PCDHA8: variants seen among roughly 807,000 people sequenced by gnomAD.
PCDHA8 encodes protocadherin alpha 8.
PCDHA8 carries 53 observed loss-of-function variants against 61.8 expected under a neutral mutation model. The observed-to-expected ratio is 0.86, with a 90% CI of 0.69 to 1.08. PCDHA8 has a LOEUF of 1.08. PCDHA8 is among the 50% of genes least tolerant of loss of function. The pLI is 0.00. For missense variants in PCDHA8, 1,293 were observed against 1,245.0 expected (o/e 1.04, Z -0.58); for synonymous variants, 618 against 556.6 (o/e 1.11, Z -1.55).
intron 1 of PCDHA8, among the ~76,000 whole-genome samples, chr5:140,937,093 A>G (rs1466127180): frequency 6.8e-6 from 1 of 146,414 alleles, no homozygotes; most frequent in African/African-American, 2.6e-5. Context: ...GCTGGAGTGC[A>G]GTGGCGCAGT....
chr5:140,876,081 G>A (rs568872116), intron 1 of PCDHA8: 1 of 1,613,944 alleles, frequency 6.2e-7, no homozygotes, highest in African/African-American at 1.3e-5. Flanking sequence ...TGGACAGAGA[G>A]CAAACGCCAA....
chr5:140,860,511 C>T (rs2046428748), intron 1 of PCDHA8: 2 of 152,066 alleles, frequency 1.3e-5, no homozygotes, highest in Non-Finnish European at 2.9e-5. Flanking sequence ...CAAGATAAAA[C>T]TCTTCATGGA....
chr5:140,858,005 C>T, intron 1 of PCDHA8: 1 of 1,596,884 alleles, frequency 6.3e-7, no homozygotes, highest in East Asian at 2.2e-5. Flanking sequence ...GGTGAAGGAC[C>T]ATGGCGAGCC....
At chr5:140,911,151 G>A (rs2075350899) in intron 1 of PCDHA8, among the ~76,000 whole-genome samples, 1 of 152,174 alleles carries the variant, frequency 6.6e-6, no homozygotes, top group South Asian at 2.1e-4. Context: ...TTTCTCCTCA[G>A]ACAAATGTGG....
intron 1 of PCDHA8, among the ~76,000 whole-genome samples, chr5:140,940,372 A>G (rs1173605569): frequency 1.3e-5 from 2 of 151,970 alleles, no homozygotes; most frequent in Admixed American, 6.6e-5. Flanking sequence ...GTATTCCTTG[A>G]GTTGTTAATT....
chr5:140,969,631 G>C (rs1554231956), intron 1 of PCDHA8: 1 of 227,796 alleles, frequency 4.4e-6, no homozygotes, highest in Non-Finnish European at 7.3e-6. Flanking sequence ...AAACAGGACA[G>C]GCCTTGGAAT....
chr5:140,971,115 G>A (rs1409733667), intron 1 of PCDHA8, among the ~76,000 whole-genome samples: 1 of 152,146 alleles, frequency 6.6e-6, no homozygotes, highest in Non-Finnish European at 1.5e-5. Flanking sequence ...GGATTGGGGT[G>A]GGCTACAGGT....
rs2094433165 is a variant in PCDHA8, at chr5:140,949,923, G to T, written c.2395-29026G>T. Among the ~76,000 whole-genome samples the T allele has an allele frequency of 2.7e-5, 4 of 150,516 alleles. No homozygotes were observed. In the South Asian group the frequency reaches 8.3e-4, roughly 31 times the overall value. On this transcript the variant is annotated intron_variant, in intron 1 of 3. Coordinates refer to ENST00000531613, the MANE Select transcript of PCDHA8 (RefSeq NM_018911.3). Reference sequence around the variant, plus strand: ...TAATTTTTAGATATAACTATTTTTAGATTTTTTTTAATTTGCATTTTTTAG... The same window carrying T: ...TAATTTTTAGATATAACTATTTTTATATTTTTTTTAATTTGCATTTTTTAG...
At chr5:140,911,316 A>G (rs1308533373) in intron 1 of PCDHA8, among the ~76,000 whole-genome samples, 1 of 152,186 alleles carries the variant, frequency 6.6e-6, no homozygotes, top group African/African-American at 2.4e-5. Context: ...TCCAAGTTTC[A>G]GGATCCCATT....
intron 1 of PCDHA8, among the ~76,000 whole-genome samples, chr5:140,957,220 G>A (rs1356437193): frequency 2.6e-5 from 4 of 152,192 alleles, no homozygotes; most frequent in Non-Finnish European, 5.9e-5. Flanking sequence ...CAAAAATTTG[G>A]CGAAGCATTT....
intron 1 of PCDHA8, among the ~76,000 whole-genome samples, chr5:140,955,338 C>T (rs1232401709): frequency 6.6e-6 from 1 of 152,062 alleles, no homozygotes; most frequent in African/African-American, 2.4e-5. Flanking sequence ...TCCCATAATC[C>T]CCACATGTTG....
intron 1 of PCDHA8, chr5:140,884,570 G>A (rs1174925238): frequency 6.2e-7 from 1 of 1,614,074 alleles, no homozygotes; most frequent in Non-Finnish European, 8.5e-7. Flanking sequence ...GCATAAGACG[G>A]ACCTCATGGC....
intron 1 of PCDHA8, among the ~76,000 whole-genome samples, chr5:140,912,626 G>A (rs189482006): frequency 6.6e-6 from 1 of 152,190 alleles, no homozygotes; most frequent in East Asian, 1.9e-4. Context: ...CTCTGGATGA[G>A]ACTTTCAGTA....
At chr5:140,996,591 T>TC (rs201351256) in intron 3 of PCDHA8, among the ~76,000 whole-genome samples, 1,577 of 152,202 alleles carry the variant, frequency 0.01, 12 homozygotes, top group Middle Eastern at 0.058. Flanking sequence ...AAGGGCCGCC[T>TC]CCCCCCATTT....
At chr5:140,868,895 G>C in intron 1 of PCDHA8, 2 of 777,188 alleles carry the variant, frequency 2.6e-6, no homozygotes, top group Non-Finnish European at 4.0e-6. Flanking sequence ...TAGGCGCAAG[G>C]TGTCGCTCTT....
At chr5:140,968,904 G>A (rs1554231223) in intron 1 of PCDHA8, 1 of 1,614,058 alleles carries the variant, frequency 6.2e-7, no homozygotes, top group Non-Finnish European at 8.5e-7. Flanking sequence ...ATAGCATTAA[G>A]CACAGTGTCT....
chr5:140,918,445 A>G (rs2078702084), intron 1 of PCDHA8, among the ~76,000 whole-genome samples: 1 of 152,144 alleles, frequency 6.6e-6, no homozygotes, highest in African/African-American at 2.4e-5. Context: ...GAGTGGTGAC[A>G]GTGGGCATCC....
intron 1 of PCDHA8, chr5:140,883,195 T>A (rs781816525): frequency 6.2e-7 from 1 of 1,613,786 alleles, no homozygotes; most frequent in Non-Finnish European, 8.5e-7. Context: ...GCAAACTAGA[T>A]TTCGAAGAAA....
At chr5:140,932,145 C>G (rs1231469475) in intron 1 of PCDHA8, among the ~76,000 whole-genome samples, 2 of 151,710 alleles carry the variant, frequency 1.3e-5, no homozygotes, top group African/African-American at 4.8e-5. Context: ...AAAATTGATT[C>G]ACTGATTGTA....
Sources: allele counts gnomAD v4.1 joint callset (sites outside exome capture counted in the v4.1 genomes callset), GRCh38; gene constraint gnomAD v4.1.1; transcripts MANE v1.5; gene names NCBI Gene and HGNC (gene_info 2026-07-23, HGNC 2026-07-21).